Variants in MSI2 observed in about 807,000 individuals in gnomAD.
The protein encoded by MSI2 is musashi RNA binding protein 2, also known as RNA-binding protein Musashi homolog 2.
Under a neutral mutation model 45.6 loss-of-function variants are expected in MSI2, and 17 were observed. The observed-to-expected ratio is 0.37, with a 90% CI of 0.26 to 0.56. The LOEUF (loss-of-function observed/expected upper bound fraction) is 0.56. Ranked by LOEUF, MSI2 falls within the 20% of genes least tolerant of loss-of-function variation. MSI2 has a pLI of 0.77. For missense variants in MSI2, 293 were observed against 444.2 expected (o/e 0.66, Z 3.06); for synonymous variants, 156 against 158.2 (o/e 0.99, Z 0.11).
chr17:57,272,806 C>A (rs16958160), intron 5 of MSI2, among the ~76,000 whole-genome samples: 2 of 152,040 alleles, frequency 1.3e-5, no homozygotes, highest in Admixed American at 6.6e-5. Flanking sequence ...CAGTACTGGG[C>A]GAGTGTTCTG....
chr17:57,535,279 C>T (rs529656692), intron 7 of MSI2, among the ~76,000 whole-genome samples: 1 of 152,332 alleles, frequency 6.6e-6, no homozygotes, highest in Non-Finnish European at 1.5e-5. Context: ...CTGTCCTTCC[C>T]TCCAATTTCA....
rs1913751921 is a variant in MSI2 at position 57,683,727 on chromosome 17, G to A, written c.*4210G>A. On this transcript the variant is annotated 3_prime_UTR_variant, in exon 14 of 14. Coordinates refer to ENST00000284073, the MANE Select transcript of MSI2 (RefSeq NM_138962.4). This position sits in a 1 kb window ranked among gnomAD's most constrained non-coding sequence, Gnocchi z 5.2. Reference sequence around the variant, plus strand: ...TTCGCAAGCCAGGCTATCTTCCAAGGAAGGCAGACAGTGGGAGAGCAGAGG... The same window carrying A: ...TTCGCAAGCCAGGCTATCTTCCAAGAAAGGCAGACAGTGGGAGAGCAGAGG... The A allele has an allele frequency of 8.7e-6, 2 of 229,288 alleles. No individual in the cohort carries two copies. The highest frequency in any genetic ancestry group is 1.7e-5 in the Non-Finnish European group (2 of 116,128). The allele number at this position is 229,288 out of a possible 1,614,324, so 14.2% of individuals were successfully genotyped here. A position where few individuals can be genotyped will look rare whatever the true frequency, so the allele number is the denominator to read the frequency against.
intron 13 of MSI2, among the ~76,000 whole-genome samples, chr17:57,679,311 C>G (rs1913457423): frequency 6.6e-6 from 1 of 152,192 alleles, no homozygotes; most frequent in Admixed American, 6.5e-5. Context: ...AGAATTGAAG[C>G]CTTGTCCTCT....
At chr17:57,493,639 C>T (rs779813510) in intron 6 of MSI2, among the ~76,000 whole-genome samples, 1 of 150,046 alleles carries the variant, frequency 6.7e-6, no homozygotes, top group Non-Finnish European at 1.5e-5. Flanking sequence ...GCAGGGGAGG[C>T]GGGAAACAGT....
At chr17:57,648,181 GTT>G (rs1491282953) in intron 10 of MSI2, among the ~76,000 whole-genome samples, 15 of 131,958 alleles carry the variant, frequency 1.1e-4, no homozygotes, top group African/African-American at 3.2e-4. Flanking sequence ...GTGTGTGTGT[GTT>G]TGTAGTGACA....
intron 7 of MSI2, among the ~76,000 whole-genome samples, chr17:57,536,289 T>C (rs1166192025): frequency 6.6e-6 from 1 of 152,176 alleles, no homozygotes; most frequent in Non-Finnish European, 1.5e-5. Context: ...ACATGTGACT[T>C]TGTAGGATGG....
At chr17:57,455,528 C>T (rs1171150069) in intron 6 of MSI2, among the ~76,000 whole-genome samples, 1 of 152,252 alleles carries the variant, frequency 6.6e-6, no homozygotes, top group East Asian at 1.9e-4. Context: ...TTAAAGATTA[C>T]AGCCGTTAAA....
At chr17:57,426,703 A>C (rs1401809356) in intron 6 of MSI2, among the ~76,000 whole-genome samples, 2 of 152,228 alleles carry the variant, frequency 1.3e-5, no homozygotes, top group Non-Finnish European at 2.9e-5. Context: ...GTGTCCATAC[A>C]GCCTTGGAAA....
chr17:57,446,411 C>G (rs999456388), intron 6 of MSI2, among the ~76,000 whole-genome samples: 3 of 152,130 alleles, frequency 2.0e-5, no homozygotes, highest in Non-Finnish European at 4.4e-5. Context: ...TTCGCAGTGC[C>G]CTAAGAAGCT....
intron 6 of MSI2, chr17:57,450,269 A>G (rs2084978419): frequency 1.8e-5 from 2 of 110,838 alleles, no homozygotes; most frequent in African/African-American, 7.0e-5. Flanking sequence ...GAAAGAAAGA[A>G]AGAAAGAAAG....
At chr17:57,368,483 A>G (rs2083373523) in intron 5 of MSI2, among the ~76,000 whole-genome samples, 1 of 152,204 alleles carries the variant, frequency 6.6e-6, no homozygotes, top group Non-Finnish European at 1.5e-5. Context: ...TGAACCCAGG[A>G]GGCAGAGGTT....
chr17:57,491,248 C>A (rs1022603654), intron 6 of MSI2, among the ~76,000 whole-genome samples: 1 of 152,186 alleles, frequency 6.6e-6, no homozygotes, highest in Non-Finnish European at 1.5e-5. Context: ...TCTCTGAGAG[C>A]GCAGTCAGGC....
intron 5 of MSI2, among the ~76,000 whole-genome samples, chr17:57,368,683 A>T (rs1054413454): frequency 2.6e-5 from 4 of 152,242 alleles, no homozygotes; most frequent in African/African-American, 9.6e-5. Context: ...GACATCAAAG[A>T]TTTTCAGAAC....
intron 6 of MSI2, among the ~76,000 whole-genome samples, chr17:57,405,907 G>A (rs2084073058): frequency 6.6e-6 from 1 of 152,190 alleles, no homozygotes; most frequent in Non-Finnish European, 1.5e-5. Context: ...TAGGTGGTGA[G>A]GCTGATGTTG....
chr17:57,699,396 T>C, the MSI2 span, among the ~76,000 whole-genome samples: 2 of 151,838 alleles, frequency 1.3e-5, no homozygotes, highest in South Asian at 2.1e-4. Flanking sequence ...TGGTAAGACC[T>C]TTCTCACCTT....
chr17:57,456,676 C>CT (rs1471270359), intron 6 of MSI2, among the ~76,000 whole-genome samples: 2 of 152,114 alleles, frequency 1.3e-5, no homozygotes, highest in Non-Finnish European at 2.9e-5. Context: ...TGCTCAAGGG[C>CT]TTTACCAAGG....
intron 5 of MSI2, among the ~76,000 whole-genome samples, chr17:57,314,915 T>C (rs898947764): frequency 3.6e-4 from 55 of 152,234 alleles, no homozygotes; most frequent in African/African-American, 1.3e-3. Flanking sequence ...ATGTGCACAG[T>C]GAAGTTTGAG....
At chr17:57,387,772 G>A (rs1362234274) in intron 5 of MSI2, among the ~76,000 whole-genome samples, 1 of 152,178 alleles carries the variant, frequency 6.6e-6, no homozygotes, top group Non-Finnish European at 1.5e-5. Flanking sequence ...GGCAGGGAAG[G>A]TTTGATCCCC....
In MSI2 at chr17:57,652,320, G is replaced by A. The variant is rs373958041; in HGVS notation, c.790+159G>A. ...GGGGAGGGGGTGGACCGGGAGGCGC[G>A]GGCAAGGCCTGGCCACCCAGGGCAC... On this transcript the variant is annotated intron_variant, in intron 11 of 13. Coordinates refer to ENST00000284073, the MANE Select transcript of MSI2 (RefSeq NM_138962.4). This position sits in a 1 kb window ranked among gnomAD's most constrained non-coding sequence, Gnocchi z 4.1. 1.3e-5 allele frequency among the ~76,000 whole-genome samples: 2 copies of A among 152,198 alleles called. No homozygotes were observed. The highest frequency in any genetic ancestry group is 3.4e-3 in the Middle Eastern group (1 of 294).
Sources: allele counts gnomAD v4.1 joint callset (sites outside exome capture counted in the v4.1 genomes callset), GRCh38; gene constraint gnomAD v4.1.1; non-coding constraint Gnocchi (gnomAD v3.1); transcripts MANE v1.5; gene names NCBI Gene and HGNC (gene_info 2026-07-23, HGNC 2026-07-21).